AGXT2: variants seen among roughly 807,000 people sequenced by gnomAD.
AGXT2 encodes alanine--glyoxylate aminotransferase 2.
A neutral mutation model predicts 62.5 loss-of-function variants in AGXT2; 61 were observed. The ratio of observed to expected loss-of-function variants is 0.98; its 90% CI spans 0.79 to 1.21. The LOEUF (loss-of-function observed/expected upper bound fraction) is 1.21. AGXT2 is among the 50% of genes most tolerant of loss of function. The probability of loss-of-function intolerance (pLI) is 0.00; values close to 1 mark genes in which losing one functional copy is unlikely to be tolerated. For synonymous variants in AGXT2, 243 were observed against 218.7 expected, an observed-to-expected ratio of 1.11 and a Z score of -0.98; for missense variants, 666 against 641.5, an observed-to-expected ratio of 1.04 and a Z score of -0.41.
At chr5:35,011,051 T>C (rs193002837) in intron 11 of AGXT2, among the ~76,000 whole-genome samples, 1 of 152,348 alleles carries the variant, frequency 6.6e-6, no homozygotes, top group Admixed American at 6.5e-5. Flanking sequence ...AAATATACTA[T>C]ATTTTTATTT....
At chr5:35,026,999 A>G (rs1767380187) in intron 7 of AGXT2, 1 of 985,448 alleles carries the variant, frequency 1.0e-6, no homozygotes, top group Non-Finnish European at 1.2e-6. Flanking sequence ...TTGTAGAACA[A>G]TTAGAATTCA....
rs373850236 is a variant in AGXT2 at position 35,036,979 on chromosome 5, G to C, written c.449C>G (p.Ala150Gly). Residue 150 changes from alanine (A) to glycine (G), a missense_variant, in exon 4 of 14, where the codon GCA becomes GGA. Transcript: ENST00000231420. ...AGGAAGAAGTGCGGCAAGCTTCTCT[G>C]CATATTCATGCATTGGAGGGTGGAA... ...VFFHPPMHEYAEKLAALLPEP... is the reference protein window; with the variant it reads ...VFFHPPMHEYGEKLAALLPEP... The C allele has an allele frequency of 1.2e-4, 192 of 1,614,036 alleles. No homozygotes were observed. The highest frequency in any genetic ancestry group is 1.6e-4 in the Non-Finnish European group (187 of 1,180,026).
chr5:35,026,151 C>G, intron 8 of AGXT2: 1 of 594,238 alleles, frequency 1.7e-6, no homozygotes. Context: ...TATTAAGCAG[C>G]TAAAAATGGC....
intron 4 of AGXT2, among the ~76,000 whole-genome samples, chr5:35,035,584 T>C (rs913092695): frequency 5.8e-5 from 6 of 103,074 alleles, no homozygotes; most frequent in African/African-American, 1.7e-4. Flanking sequence ...CTTTATTTGA[T>C]GGTCTGCAAA....
intron 9 of AGXT2, among the ~76,000 whole-genome samples, chr5:35,024,731 C>T (rs2642675): frequency 6.6e-6 from 1 of 152,090 alleles, no homozygotes; most frequent in Admixed American, 6.5e-5. Context: ...CACTTTGGGA[C>T]GCCAAGGTGG....
intron 7 of AGXT2, among the ~76,000 whole-genome samples, chr5:35,027,300 T>C (rs1489793368): frequency 6.6e-6 from 1 of 152,198 alleles, no homozygotes; most frequent in Non-Finnish European, 1.5e-5. Flanking sequence ...TTTCTTTCTT[T>C]CTTTCTTTTT....
chr5:35,040,092 A>AGAGAGAGAGAGGGAG, intron 2 of AGXT2, among the ~76,000 whole-genome samples: 2 of 152,298 alleles, frequency 1.3e-5, no homozygotes, highest in South Asian at 4.1e-4. Flanking sequence ...AGGGAGAAAG[A>AGAGAGAGAGAGGGAG]AAGAGAGAGA....
intron 12 of AGXT2, among the ~76,000 whole-genome samples, chr5:35,009,407 G>T (rs1312730352): frequency 6.6e-6 from 1 of 152,056 alleles, no homozygotes; most frequent in African/African-American, 2.4e-5. Context: ...ACCAGCCTGG[G>T]CAATATGGCA....
chr5:35,031,492 T>A (rs1452616707), intron 7 of AGXT2, among the ~76,000 whole-genome samples: 1 of 152,200 alleles, frequency 6.6e-6, no homozygotes, highest in Non-Finnish European at 1.5e-5. Context: ...CCATTAAAAA[T>A]CACTGGGCTG....
intron 9 of AGXT2, among the ~76,000 whole-genome samples, chr5:35,023,165 T>TAA (rs35852974): frequency 3.7e-5 from 1 of 26,958 alleles, no homozygotes; most frequent in Non-Finnish European, 2.0e-4. Flanking sequence ...ATGGCAGATG[T>TAA]AAAAAAAAAA....
At chr5:35,047,686 C>A in intron 1 of AGXT2, 119 bp downstream of exon 1, 1 of 1,311,032 alleles carries the variant, frequency 7.6e-7, no homozygotes, top group East Asian at 2.6e-5. Context: ...AAACATGCCT[C>A]ATCTCTAAGA....
intron 1 of AGXT2, among the ~76,000 whole-genome samples, chr5:35,044,436 C>T (rs6896900): frequency 0.24 from 35,834 of 152,140 alleles, 4,870 homozygotes; most frequent in Non-Finnish European, 0.31. Context: ...TCTCTCACAG[C>T]CTTCTCTGTG....
chr5:35,039,053 C>T (rs1767883679), intron 3 of AGXT2, among the ~76,000 whole-genome samples: 1 of 152,084 alleles, frequency 6.6e-6, no homozygotes, highest in Non-Finnish European at 1.5e-5. Context: ...AAAGCTGTTG[C>T]TAATGAGAAA....
At chr5:35,020,312 CA>C (rs1239473926) in intron 9 of AGXT2, among the ~76,000 whole-genome samples, 47 of 152,126 alleles carry the variant, frequency 3.1e-4, no homozygotes, top group Non-Finnish European at 6.5e-4. Context: ...AACATTGATG[CA>C]AAAATCCTCA....
At chr5:35,022,485 G>A (rs1351390988) in intron 9 of AGXT2, among the ~76,000 whole-genome samples, 1 of 149,458 alleles carries the variant, frequency 6.7e-6, no homozygotes. Flanking sequence ...AAAAAACCAA[G>A]CACCGCATAT....
chr5:35,028,478 C>A (rs1254512662), intron 7 of AGXT2, among the ~76,000 whole-genome samples: 2 of 151,370 alleles, frequency 1.3e-5, no homozygotes, highest in Non-Finnish European at 2.9e-5. Flanking sequence ...GAAGATTGCC[C>A]AGCAGACTTG....
At chr5:35,008,875 C>T (rs918442144) in intron 12 of AGXT2, among the ~76,000 whole-genome samples, 1 of 152,202 alleles carries the variant, frequency 6.6e-6, no homozygotes, top group East Asian at 1.9e-4. Flanking sequence ...CCTCCCTACT[C>T]CCAAGATTCT....
chr5:35,032,771 A>T lies in AGXT2; in HGVS notation c.730T>A (p.Ser244Thr). The change falls in exon 7 of 14, where the codon TCT (serine) becomes ACT (threonine). Residue 244 changes from serine (S) to threonine (T), a missense_variant. Coordinates refer to ENST00000231420, the MANE Select transcript of AGXT2 (RefSeq NM_031900.4). ...CACTTCCTGATTGTTTGCACTGGAG[A>T]ATCTCGACAGTGGCTTCCTCCCCAA... ...GPWGGSHCRD[S>T]PVQTIRKCSC... is the part of the protein sequence containing the mutation. 1 of 1,609,986 alleles carries T rather than the reference A, an allele frequency of 6.2e-7. No individual in the cohort carries two copies. The highest frequency in any genetic ancestry group is 8.5e-7 in the Non-Finnish European group (1 of 1,178,118).
rs769046851 is a variant in AGXT2 at position 35,040,593 on chromosome 5, G to A, written c.159C>T (p.Phe53=). The A allele has an allele frequency of 5.6e-6, 9 of 1,613,724 alleles. No individual in the cohort carries two copies. The African/African-American group carries it at 1.2e-4, about 22-fold the overall frequency. The change falls in exon 2 of 14, where the codon TTC becomes TTT. Residue 53 remains phenylalanine (F), a synonymous_variant. Transcript: ENST00000231420. Reference sequence around the variant, plus strand: ...ATCTCACCTGGTATCTTTCAGGCATGAAGTCACATGGAGGCATTCTGGGCT... The same window carrying A: ...ATCTCACCTGGTATCTTTCAGGCATAAAGTCACATGGAGGCATTCTGGGCT... ...HTKPRMPPCD[F]MPERYQSLGY...
Sources: gnomAD v4.1 joint callset for allele counts (sites outside exome capture counted in the v4.1 genomes callset) on GRCh38, gnomAD v4.1.1 for gene constraint, MANE v1.5 for transcripts, NCBI Gene and HGNC (gene_info 2026-07-23, HGNC 2026-07-21) for gene names.